The following SPOCK3 variants were observed in gnomAD, a reference collection of about 807,000 sequenced individuals.
SPOCK3 encodes the protein testican-3.
In SPOCK3, 30 loss-of-function variants were observed where a neutral mutation model predicts 56.6. That is an observed-to-expected ratio of 0.53 (90% CI 0.40 to 0.72). The LOEUF is 0.72. SPOCK3 is among the 30% of genes least tolerant of loss of function. SPOCK3 has a pLI of 0.00. For missense variants in SPOCK3, 527 were observed against 530.0 expected, an observed-to-expected ratio of 0.99 and a Z score of 0.06; for synonymous variants, 196 against 183.3, an observed-to-expected ratio of 1.07 and a Z score of -0.56.
At position 167,146,978 on chromosome 4, in the gene SPOCK3, G is replaced by C. The variant is rs537344553; in HGVS notation, c.190-84441C>G. Among the ~76,000 whole-genome samples, 107 of 152,138 alleles carry C rather than the reference G, an allele frequency of 7.0e-4. 1 individual carries two copies. Among genetic ancestry groups the C allele is most frequent in the Middle Eastern group, 6.8e-3 (2 of 292 alleles). On this transcript the variant is annotated intron_variant, in intron 2 of 10. Transcript: ENST00000357545. The stretch of plus-strand genomic sequence containing the variant: ...CTAAGATCAGACCGGAACTAAAGGA[G>C]ATAGAGACACGAAAAACCCTTCAAA...
chr4:167,064,664 G>A (rs1016536453), intron 2 of SPOCK3, among the ~76,000 whole-genome samples: 1 of 151,754 alleles, frequency 6.6e-6, no homozygotes, highest in Non-Finnish European at 1.5e-5. Flanking sequence ...CGTGAGTGAT[G>A]GATTTGGAGA....
intron 2 of SPOCK3, among the ~76,000 whole-genome samples, chr4:167,168,527 G>A (rs1730205255): frequency 6.6e-6 from 1 of 152,134 alleles, no homozygotes; most frequent in African/African-American, 2.4e-5. Context: ...CTCTGTCTAT[G>A]AGAAGAGACT....
At chr4:166,854,912 G>A (rs1730494314) in intron 6 of SPOCK3, among the ~76,000 whole-genome samples, 1 of 152,150 alleles carries the variant, frequency 6.6e-6, no homozygotes, top group Admixed American at 6.6e-5. Flanking sequence ...TTGGGACTCA[G>A]AAACCAATAC....
chr4:166,941,414 C>T (rs1024904470), intron 4 of SPOCK3, among the ~76,000 whole-genome samples: 3 of 152,126 alleles, frequency 2.0e-5, no homozygotes, highest in African/African-American at 4.8e-5. Context: ...TAACTGTTTC[C>T]TTTTTTATCA....
At chr4:167,201,223 G>A (rs1424444484) in intron 2 of SPOCK3, among the ~76,000 whole-genome samples, 1 of 151,858 alleles carries the variant, frequency 6.6e-6, no homozygotes, top group East Asian at 1.9e-4. Flanking sequence ...AAGCTATACT[G>A]TATTATCTCT....
At chr4:166,773,101 G>A (rs901662317) in intron 7 of SPOCK3, among the ~76,000 whole-genome samples, 1 of 152,084 alleles carries the variant, frequency 6.6e-6, no homozygotes, top group Non-Finnish European at 1.5e-5. Flanking sequence ...TTCATCTTAA[G>A]GTTTCTGGCA....
chr4:167,205,091 T>A (rs1459919046), intron 2 of SPOCK3, among the ~76,000 whole-genome samples: 1 of 132,052 alleles, frequency 7.6e-6, no homozygotes. Context: ...CCCAATGGGC[T>A]GGGATTACAG....
intron 2 of SPOCK3, among the ~76,000 whole-genome samples, chr4:167,140,390 T>C (rs528776416): frequency 6.6e-6 from 1 of 152,194 alleles, no homozygotes; most frequent in South Asian, 2.1e-4. Context: ...TGTTATGATG[T>C]GCATAGCTTC....
At chr4:166,892,852 G>T (rs1450610952) in intron 5 of SPOCK3, among the ~76,000 whole-genome samples, 1 of 151,956 alleles carries the variant, frequency 6.6e-6, no homozygotes, top group African/African-American at 2.4e-5. Flanking sequence ...AAGAAAATAT[G>T]ATCATATTAT....
chr4:166,742,224 GTCTATCTATCATCTA>G (rs1385321385), intron 8 of SPOCK3, among the ~76,000 whole-genome samples, 165 bp from the exon 9 acceptor site: 4 of 103,436 alleles, frequency 3.9e-5, no homozygotes, highest in African/African-American at 2.0e-4. Context: ...ACATACATGT[GTCTATCTATCATCTA>G]TCTATCTATC....
chr4:167,228,809 T>C (rs1736846674), intron 2 of SPOCK3, among the ~76,000 whole-genome samples: 1 of 152,092 alleles, frequency 6.6e-6, no homozygotes, highest in Non-Finnish European at 1.5e-5. Context: ...AAGAGGTCAG[T>C]TGCCTCTCTC....
At chr4:166,970,752 G>C (rs1233626859) in intron 4 of SPOCK3, among the ~76,000 whole-genome samples, 1 of 151,388 alleles carries the variant, frequency 6.6e-6, no homozygotes, top group Non-Finnish European at 1.5e-5. Flanking sequence ...AAAAAACAGA[G>C]TAACACAGGA....
chr4:167,177,121 C>G (rs1212749792), intron 2 of SPOCK3, among the ~76,000 whole-genome samples: 2 of 152,046 alleles, frequency 1.3e-5, no homozygotes, highest in African/African-American at 2.4e-5. Context: ...TGACGAGGAA[C>G]TAGTTATCAT....
intron 2 of SPOCK3, among the ~76,000 whole-genome samples, chr4:167,204,839 A>G (rs1450258613): frequency 6.6e-6 from 1 of 151,440 alleles, no homozygotes; most frequent in Admixed American, 6.6e-5. Flanking sequence ...TTATTTATTT[A>G]TTAGAAATCG....
chr4:166,848,997 C>T (rs575932924), intron 6 of SPOCK3, among the ~76,000 whole-genome samples: 2 of 152,194 alleles, frequency 1.3e-5, no homozygotes, highest in South Asian at 4.1e-4. Context: ...CTCAAGAAAT[C>T]GTGTAAGTAA....
intron 2 of SPOCK3, among the ~76,000 whole-genome samples, chr4:167,095,299 T>G (rs987693229): frequency 1.3e-5 from 2 of 152,136 alleles, no homozygotes; most frequent in African/African-American, 4.8e-5. Flanking sequence ...TAACTTTCAC[T>G]TCTTTTTTTA....
At chr4:166,947,624 T>C (rs1741938062) in intron 4 of SPOCK3, among the ~76,000 whole-genome samples, 1 of 152,174 alleles carries the variant, frequency 6.6e-6, no homozygotes, top group Admixed American at 6.6e-5. Flanking sequence ...TTTTTCCTGA[T>C]AAAACTCACC....
At chr4:167,097,644 T>C (rs2150319216) in intron 2 of SPOCK3, among the ~76,000 whole-genome samples, 1 of 152,018 alleles carries the variant, frequency 6.6e-6, no homozygotes. Flanking sequence ...TGGGGTACAA[T>C]TGTTCCTGTT....
intron 4 of SPOCK3, among the ~76,000 whole-genome samples, chr4:166,944,708 C>T (rs1473592745): frequency 6.6e-6 from 1 of 151,336 alleles, no homozygotes; most frequent in Non-Finnish European, 1.5e-5. Context: ...TTATTTTTGT[C>T]ACATCTTCTT....
Sources: gnomAD v4.1 joint callset for allele counts (sites outside exome capture counted in the v4.1 genomes callset) on GRCh38, gnomAD v4.1.1 for gene constraint, MANE v1.5 for transcripts, NCBI Gene and HGNC (gene_info 2026-07-23, HGNC 2026-07-21) for gene names.